Variants in MBD5 observed in about 807,000 individuals in gnomAD.
MBD5 encodes the protein methyl-CpG binding domain protein 5.
In MBD5, 13 loss-of-function variants were observed where a neutral mutation model predicts 117.3. The observed-to-expected ratio is 0.11, with a 90% confidence interval of 0.07 to 0.18. The LOEUF (loss-of-function observed/expected upper bound fraction) is 0.18. MBD5 is among the 10% of genes least tolerant of loss of function. MBD5 has a pLI of 1.00. For missense variants in MBD5, 1,879 were observed against 2,093.8 expected, an observed-to-expected ratio of 0.90 and a Z score of 2.00; for synonymous variants, 727 against 766.4, an observed-to-expected ratio of 0.95 and a Z score of 0.85.
chr2:148,036,932 G>A lies in MBD5; in HGVS notation c.-925+15248G>A, dbSNP rs544394022. ...GAAACTGATGAACAGTTTGGTTGGG[G>A]GACCCAGAAAATAATAAATATTGGC... On this transcript the variant is annotated intron_variant, in intron 1 of 13. Coordinates refer to ENST00000642680, the MANE Select transcript of MBD5 (RefSeq NM_001378120.1). Among the ~76,000 whole-genome samples the A allele has an allele frequency of 4.6e-5, 7 of 151,918 alleles. No homozygotes were observed. The South Asian group carries it at 1.2e-3, about 27-fold the overall frequency.
intron 4 of MBD5, among the ~76,000 whole-genome samples, chr2:148,445,778 C>T (rs1236061321): frequency 6.6e-6 from 1 of 151,336 alleles, no homozygotes; most frequent in Non-Finnish European, 1.5e-5. Flanking sequence ...TCCTATTTCT[C>T]CACATCCTCT....
At chr2:148,236,470 A>G (rs1321783379) in intron 3 of MBD5, among the ~76,000 whole-genome samples, 1 of 152,162 alleles carries the variant, frequency 6.6e-6, no homozygotes, top group Non-Finnish European at 1.5e-5. Flanking sequence ...ATCTCCTTGT[A>G]TATCTTCATC....
chr2:148,080,336 C>T (rs1695618192), intron 1 of MBD5, among the ~76,000 whole-genome samples: 1 of 152,226 alleles, frequency 6.6e-6, no homozygotes, highest in South Asian at 2.1e-4. Flanking sequence ...TCAGACACAT[C>T]TCCTATAGAT....
chr2:148,317,398 A>G (rs1325928005), intron 3 of MBD5, among the ~76,000 whole-genome samples: 1 of 152,122 alleles, frequency 6.6e-6, no homozygotes, highest in Non-Finnish European at 1.5e-5. Flanking sequence ...AACCACATCT[A>G]AAGAACCATG....
At chr2:148,444,947 A>C (rs1290509474) in intron 4 of MBD5, among the ~76,000 whole-genome samples, 2 of 150,996 alleles carry the variant, frequency 1.3e-5, no homozygotes, top group Non-Finnish European at 2.9e-5. Context: ...CCTGGAGTAC[A>C]TTTATTATAT....
At chr2:148,107,008 G>GGATAA (rs144708482) in intron 1 of MBD5, among the ~76,000 whole-genome samples, 3,252 of 151,954 alleles carry the variant, frequency 0.021, 119 homozygotes, top group African/African-American at 0.074. Flanking sequence ...TTGCCTGGAA[G>GGATAA]GATATCAACT....
chr2:148,076,668 T>A (rs1695517561), intron 1 of MBD5, among the ~76,000 whole-genome samples: 1 of 151,992 alleles, frequency 6.6e-6, no homozygotes, highest in Non-Finnish European at 1.5e-5. Context: ...CTAACAGAGG[T>A]TATCATTGTA....
intron 2 of MBD5, among the ~76,000 whole-genome samples, chr2:148,196,981 T>C (rs144492949): frequency 0.032 from 4,830 of 152,266 alleles, 105 homozygotes; most frequent in Middle Eastern, 0.068. Context: ...TGGCAACTTA[T>C]ATTTGCCAAA....
intron 1 of MBD5, among the ~76,000 whole-genome samples, chr2:148,086,542 G>A (rs183053962): frequency 2.1e-3 from 314 of 152,174 alleles, no homozygotes; most frequent in African/African-American, 7.0e-3. Context: ...CTCCTTACCT[G>A]ACCCTGGCTC....
intron 2 of MBD5, among the ~76,000 whole-genome samples, chr2:148,222,044 C>T (rs1413131723): frequency 6.6e-6 from 1 of 152,038 alleles, no homozygotes; most frequent in Non-Finnish European, 1.5e-5. Context: ...GTTCTTGGCA[C>T]ATTTGTTGAA....
Position 148,469,266 on chromosome 2 carries a change from C to T in MBD5, c.1323C>T (p.Ser441=), listed in dbSNP as rs1418020514. 2 of 1,613,818 alleles carry T rather than the reference C, an allele frequency of 1.2e-6. No homozygotes were observed. The highest frequency in any genetic ancestry group is 2.7e-5 in the African/African-American group (2 of 74,890). Residue 441 remains serine, a synonymous_variant, in exon 8 of 14, where the codon TCC becomes TCT. Coordinates refer to ENST00000642680, the MANE Select transcript of MBD5 (RefSeq NM_001378120.1). The part of the protein sequence containing the change: ...STSLSPSPVT[S]PVHMMGTGIG... ...CCCTGTCCCCTTCTCCAGTGACATC[C>T]CCCGTGCACATGATGGGGACTGGAA...
chr2:148,353,691 C>A (rs1314369317), intron 4 of MBD5, among the ~76,000 whole-genome samples: 1 of 152,008 alleles, frequency 6.6e-6, no homozygotes, highest in African/African-American at 2.4e-5. Flanking sequence ...AGTGATCCTC[C>A]CACCTCAGCC....
chr2:148,129,332 A>G (rs994280503), intron 1 of MBD5, among the ~76,000 whole-genome samples: 4 of 152,108 alleles, frequency 2.6e-5, no homozygotes, highest in African/African-American at 9.6e-5. Context: ...TGTCTCTACT[A>G]AAAAATAGAA....
chr2:148,211,392 A>G (rs1053414206), intron 2 of MBD5, among the ~76,000 whole-genome samples: 2 of 152,192 alleles, frequency 1.3e-5, no homozygotes, highest in Non-Finnish European at 2.9e-5. Flanking sequence ...TATAAAAAGA[A>G]TGTAAACTTT....
rs150243535 is a variant in MBD5 at position 148,259,813 on chromosome 2, C to T, written c.-680+26418C>T. Among the ~76,000 whole-genome samples the T allele has an allele frequency of 2.8e-3, 427 of 152,304 alleles. 1 individual carries two copies. Among genetic ancestry groups the T allele is most frequent in the African/African-American group, 9.8e-3 (409 of 41,558 alleles). On this transcript the variant is annotated intron_variant, in intron 3 of 13. Coordinates refer to ENST00000642680, the MANE Select transcript of MBD5 (RefSeq NM_001378120.1). ...GAGCTGTGCACCTGCACCACAAACC[C>T]GCTGAGTCATGCTGCACCAGAAGGC...
intron 3 of MBD5, among the ~76,000 whole-genome samples, chr2:148,266,151 T>C (rs1039458881): frequency 3.3e-5 from 5 of 152,136 alleles, no homozygotes; most frequent in African/African-American, 9.7e-5. Flanking sequence ...AAATAAAATA[T>C]TGATAAATCA....
chr2:148,150,886 A>G (rs1411403846), intron 1 of MBD5, among the ~76,000 whole-genome samples: 1 of 152,188 alleles, frequency 6.6e-6, no homozygotes, highest in Non-Finnish European at 1.5e-5. Flanking sequence ...GTCATCTGCA[A>G]ACAGGGACAA....
chr2:148,236,889 A>C (rs1335659231), intron 3 of MBD5, among the ~76,000 whole-genome samples: 3 of 152,220 alleles, frequency 2.0e-5, no homozygotes, highest in Non-Finnish European at 4.4e-5. Flanking sequence ...AGTCACCTTC[A>C]TCAATGATTT....
At chr2:148,126,610 AC>A (rs1696903346) in intron 1 of MBD5, among the ~76,000 whole-genome samples, 4 of 152,104 alleles carry the variant, frequency 2.6e-5, no homozygotes, top group Admixed American at 2.0e-4. Context: ...CCTTGTTTAT[AC>A]TTATATTTTT....
Sources: allele counts gnomAD v4.1 joint callset (sites outside exome capture counted in the v4.1 genomes callset), GRCh38; gene constraint gnomAD v4.1.1; transcripts MANE v1.5; gene names NCBI Gene and HGNC (gene_info 2026-07-23, HGNC 2026-07-21).